The following SNX29 variants were observed in gnomAD, a reference collection of about 807,000 sequenced individuals.
The protein encoded by SNX29 is sorting nexin 29.
In SNX29, 78 loss-of-function variants were observed where a neutral mutation model predicts 102.1. That is an observed-to-expected ratio of 0.76 (90% CI 0.64 to 0.92). The LOEUF is 0.92. Among genes scored for constraint, SNX29 ranks in the 40% least tolerant of loss-of-function variants. The pLI is 0.00. For synonymous variants in SNX29, 580 were observed against 414.5 expected (o/e 1.40, Z -4.85); for missense variants, 1,280 against 1,061.7 (o/e 1.21, Z -2.86).
intron 18 of SNX29, among the ~76,000 whole-genome samples, chr16:12,413,833 G>T (rs2084508818): frequency 6.6e-6 from 1 of 152,196 alleles, no homozygotes; most frequent in African/African-American, 2.4e-5. Context: ...CTAAATGGTG[G>T]TGTCCATTGT....
At chr16:12,244,798 T>A (rs74767034) in intron 14 of SNX29, among the ~76,000 whole-genome samples, 5,374 of 152,228 alleles carry the variant, frequency 0.035, 345 homozygotes, top group African/African-American at 0.12. Flanking sequence ...AAGAAGAAGA[T>A]CCCTGGTTAA....
chr16:12,198,303 C>G (rs973527688), intron 13 of SNX29, among the ~76,000 whole-genome samples: 2 of 151,760 alleles, frequency 1.3e-5, no homozygotes, highest in Admixed American at 1.3e-4. Flanking sequence ...GTGTATCATC[C>G]CCCTAAAATT....
chr16:12,562,475 C>G (rs960581309), intron 20 of SNX29, among the ~76,000 whole-genome samples: 2 of 152,214 alleles, frequency 1.3e-5, no homozygotes, highest in South Asian at 2.1e-4. Context: ...AGGCTAGGAA[C>G]TCGAGTCCTA....
chr16:12,459,128 T>G (rs1304290183), intron 18 of SNX29, among the ~76,000 whole-genome samples: 1 of 121,346 alleles, frequency 8.2e-6, no homozygotes, highest in Non-Finnish European at 1.7e-5. Flanking sequence ...TCCTCCCATT[T>G]CACTCCCCCC....
At chr16:12,163,536 C>G (rs568058917) in intron 13 of SNX29, among the ~76,000 whole-genome samples, 2 of 152,060 alleles carry the variant, frequency 1.3e-5, no homozygotes, top group African/African-American at 2.4e-5. Context: ...GATGCAGCAC[C>G]GATGAATTCA....
intron 20 of SNX29, among the ~76,000 whole-genome samples, chr16:12,552,140 A>G (rs1253741603): frequency 6.6e-6 from 1 of 152,244 alleles, no homozygotes; most frequent in African/African-American, 2.4e-5. Context: ...CTGAGAGGCC[A>G]CATTCCAGTA....
At chr16:12,402,291 G>A (rs910962093) in intron 17 of SNX29, among the ~76,000 whole-genome samples, 1 of 152,184 alleles carries the variant, frequency 6.6e-6, no homozygotes, top group African/African-American at 2.4e-5. Flanking sequence ...AAAATGAAAT[G>A]GTCTTTACTC....
intron 16 of SNX29, among the ~76,000 whole-genome samples, chr16:12,391,380 C>A (rs373036894): frequency 2.5e-4 from 38 of 152,224 alleles, no homozygotes; most frequent in African/African-American, 8.9e-4. Context: ...AAGCTGCATA[C>A]TCTGATAGCC....
At chr16:12,088,465 C>T (rs1197994841) in intron 11 of SNX29, among the ~76,000 whole-genome samples, 2 of 152,130 alleles carry the variant, frequency 1.3e-5, no homozygotes, top group African/African-American at 2.4e-5. Flanking sequence ...CTCCCCAGCC[C>T]TCATTTATAT....
intron 20 of SNX29, among the ~76,000 whole-genome samples, chr16:12,563,965 C>CT (rs2078877267): frequency 6.6e-6 from 1 of 151,032 alleles, no homozygotes. Context: ...CGAGGAAGGG[C>CT]TTTTCAGATA....
rs1456529917 is a variant in SNX29, at chr16:12,349,901, T to C, written c.1783-6262T>C. Among the ~76,000 whole-genome samples the C allele has an allele frequency of 2.6e-5, 4 of 152,234 alleles. No individual in the cohort carries two copies. The South Asian group carries it at 6.2e-4, about 24-fold the overall frequency. On this transcript the variant is annotated intron_variant, in intron 15 of 20. Coordinates refer to ENST00000566228, the MANE Select transcript of SNX29 (RefSeq NM_032167.5). ...ACCAGTTTTCTTTTTTAAAAAACTT[T>C]CAATTCATTGCAGAATGATATTTTG...
chr16:12,263,173 C>G (rs1409194363), intron 14 of SNX29, among the ~76,000 whole-genome samples: 2 of 151,380 alleles, frequency 1.3e-5, no homozygotes, highest in Admixed American at 6.6e-5. Context: ...ACTCTGTCAC[C>G]CAAGCTGGAG....
intron 10 of SNX29, among the ~76,000 whole-genome samples, chr16:12,069,969 G>A (rs1158174786): frequency 6.6e-6 from 1 of 150,950 alleles, no homozygotes; most frequent in Non-Finnish European, 1.5e-5. Flanking sequence ...ACCGTGCCCG[G>A]CCTGTTATTT....
At chr16:12,544,046 A>C (rs933757466) in intron 20 of SNX29, among the ~76,000 whole-genome samples, 1 of 152,218 alleles carries the variant, frequency 6.6e-6, no homozygotes, top group African/African-American at 2.4e-5. Flanking sequence ...TCACATTGCA[A>C]AGCCACAGGA....
Position 12,052,109 on chromosome 16 carries a change from C to G in SNX29, c.1011C>G (p.Tyr337Ter). 1 of 1,613,826 alleles carries G rather than the reference C, an allele frequency of 6.2e-7. No homozygotes were observed. The change falls in exon 8 of 21, where the codon TAC becomes TAG. Residue 337 changes from tyrosine to a stop codon, truncating the protein, a stop_gained. Coordinates refer to ENST00000566228, the MANE Select transcript of SNX29 (RefSeq NM_032167.5). LOFTEE classifies it high-confidence loss of function. Reference sequence around the variant, plus strand: ...TGTCTTTGAACGGGGAGTTTGGGTACCAGAAGCTTGATGTGAAAAGCATCG... The same window carrying G: ...TGTCTTTGAACGGGGAGTTTGGGTAGCAGAAGCTTGATGTGAAAAGCATCG... ...DSLSLNGEFG[Y>*]QKLDVKSIDD... is the part of the protein sequence containing the mutation.
chr16:12,540,159 T>G (rs2077264384), intron 20 of SNX29, among the ~76,000 whole-genome samples: 1 of 152,198 alleles, frequency 6.6e-6, no homozygotes, highest in Non-Finnish European at 1.5e-5. Context: ...ACATTTTAGA[T>G]CTGCGATTCA....
At chr16:12,339,155 G>A (rs2081538930) in intron 15 of SNX29, among the ~76,000 whole-genome samples, 1 of 152,110 alleles carries the variant, frequency 6.6e-6, no homozygotes, top group Admixed American at 6.5e-5. Flanking sequence ...ATCACCTGAG[G>A]TCAGGAGTTC....
At chr16:12,000,836 A>G (rs1367928235) in intron 2 of SNX29, among the ~76,000 whole-genome samples, 2 of 152,186 alleles carry the variant, frequency 1.3e-5, no homozygotes, top group African/African-American at 2.4e-5. Context: ...CTCTGTGTGT[A>G]CAGGGACAAC....
At chr16:12,441,839 C>T (rs112454975) in intron 18 of SNX29, among the ~76,000 whole-genome samples, 3,047 of 152,054 alleles carry the variant, frequency 0.02, 105 homozygotes, top group African/African-American at 0.068. Context: ...CCCAGGCTGG[C>T]GTGCAGTGGC....
Sources: allele counts gnomAD v4.1 joint callset (sites outside exome capture counted in the v4.1 genomes callset), GRCh38; gene constraint gnomAD v4.1.1; transcripts MANE v1.5; gene names NCBI Gene and HGNC (gene_info 2026-07-23, HGNC 2026-07-21).